Variants in CTNND2 observed in about 807,000 individuals in gnomAD.
CTNND2 encodes catenin delta-2.
In CTNND2, 22 loss-of-function variants were observed where a neutral mutation model predicts 144.4. The ratio of observed to expected loss-of-function variants is 0.15; its 90% confidence interval spans 0.11 to 0.22. CTNND2 has a LOEUF of 0.22. Ranked by LOEUF, CTNND2 falls within the 10% of genes least tolerant of loss-of-function variation. The pLI, the probability that CTNND2 is intolerant of heterozygous loss-of-function variation, is 1.00. For synonymous variants in CTNND2, 751 were observed against 695.6 expected, an observed-to-expected ratio of 1.08 and a Z score of -1.25; for missense variants, 1,353 against 1,618.8, an observed-to-expected ratio of 0.84 and a Z score of 2.82.
chr5:11,821,884 T>C (rs1339786084), intron 1 of CTNND2, among the ~76,000 whole-genome samples: 1 of 152,176 alleles, frequency 6.6e-6, no homozygotes, highest in African/African-American at 2.4e-5. Flanking sequence ...ACTGAAACCA[T>C]TTCCTAATAA....
intron 1 of CTNND2, among the ~76,000 whole-genome samples, chr5:11,843,178 T>C (rs1312379894): frequency 6.6e-6 from 1 of 152,130 alleles, no homozygotes; most frequent in Non-Finnish European, 1.5e-5. Context: ...AACGTGAAAA[T>C]ATGGCAATAA....
intron 11 of CTNND2, among the ~76,000 whole-genome samples, chr5:11,191,364 C>G (rs779921628): frequency 3.3e-5 from 5 of 152,184 alleles, no homozygotes; most frequent in Non-Finnish European, 5.9e-5. Flanking sequence ...ACAGAACACA[C>G]TCATGGGACA....
In CTNND2 at chr5:11,076,501, C is replaced by A. The variant is rs149142307; in HGVS notation, c.2788+6195G>T. ...TATTACCATTCCTTTTTTAAACCTT[C>A]CATACTCAGAAGGATAATTAACATT... is the stretch of plus-strand genomic sequence containing the variant. On this transcript the variant is annotated intron_variant, in intron 16 of 21. Transcript: ENST00000304623. Among the ~76,000 whole-genome samples the A allele has an allele frequency of 7.2e-5, 11 of 152,262 alleles. No individual in the cohort carries two copies. The East Asian group carries it at 2.1e-3, about 29-fold the overall frequency.
chr5:11,226,611 C>T (rs975991833), intron 10 of CTNND2, among the ~76,000 whole-genome samples: 25 of 152,168 alleles, frequency 1.6e-4, no homozygotes, highest in African/African-American at 5.6e-4. Context: ...AGGGAAACTC[C>T]CCTTTATAAA....
chr5:11,801,508 C>T (rs571693344), intron 1 of CTNND2, among the ~76,000 whole-genome samples: 2 of 152,224 alleles, frequency 1.3e-5, no homozygotes, highest in South Asian at 2.1e-4. Context: ...TATGATAATC[C>T]AACTATTATA....
chr5:11,730,423 G>A (rs1038314761), intron 2 of CTNND2, among the ~76,000 whole-genome samples: 9 of 152,110 alleles, frequency 5.9e-5, no homozygotes, highest in East Asian at 3.8e-4. Context: ...ATTGAAACAC[G>A]AACTTTAAGT....
chr5:11,317,473 A>T (rs1375698192), intron 9 of CTNND2, among the ~76,000 whole-genome samples: 1 of 151,970 alleles, frequency 6.6e-6, no homozygotes, highest in African/African-American at 2.4e-5. Flanking sequence ...TCTATAATAA[A>T]CTCCCAATTA....
chr5:11,168,711 C>A (rs537371296), intron 11 of CTNND2, among the ~76,000 whole-genome samples: 7 of 152,120 alleles, frequency 4.6e-5, no homozygotes, highest in Admixed American at 3.9e-4. Context: ...AAAATGATTT[C>A]TTATACTTTG....
At chr5:11,490,555 A>C (rs1193198089) in intron 3 of CTNND2, among the ~76,000 whole-genome samples, 3 of 152,192 alleles carry the variant, frequency 2.0e-5, no homozygotes, top group Admixed American at 2.0e-4. Context: ...TTTTATATTC[A>C]AATTATTGTG....
intron 16 of CTNND2, among the ~76,000 whole-genome samples, chr5:11,059,662 T>G (rs1375068492): frequency 6.6e-6 from 1 of 152,168 alleles, no homozygotes; most frequent in Non-Finnish European, 1.5e-5. Context: ...CACCATGATT[T>G]CCCATTTCAT....
chr5:11,572,179 T>C (rs1777616352), intron 2 of CTNND2, among the ~76,000 whole-genome samples: 1 of 152,114 alleles, frequency 6.6e-6, no homozygotes, highest in Admixed American at 6.5e-5. Flanking sequence ...CCCAGGTCTT[T>C]GTGACATCTG....
intron 12 of CTNND2, among the ~76,000 whole-genome samples, chr5:11,128,954 TAA>T (rs1238513805): frequency 4.2e-4 from 20 of 47,924 alleles, no homozygotes; most frequent in African/African-American, 1.2e-3. Flanking sequence ...ATATAATATA[TAA>T]ATATATATAA....
intron 7 of CTNND2, among the ~76,000 whole-genome samples, chr5:11,383,480 A>G (rs1248233933): frequency 6.6e-6 from 1 of 152,144 alleles, no homozygotes; most frequent in Non-Finnish European, 1.5e-5. Context: ...CAAAAATTCT[A>G]TTTGAGAGAG....
chr5:11,345,846 T>C (rs968475688), intron 9 of CTNND2, among the ~76,000 whole-genome samples: 1 of 151,826 alleles, frequency 6.6e-6, no homozygotes, highest in South Asian at 2.1e-4. Flanking sequence ...CTCTAATATA[T>C]TATGCTCACA....
At chr5:11,025,524 T>C (rs1742730985) in intron 16 of CTNND2, among the ~76,000 whole-genome samples, 1 of 152,224 alleles carries the variant, frequency 6.6e-6, no homozygotes, top group African/African-American at 2.4e-5. Context: ...ACTGGAGTTA[T>C]TATGGAAGGC....
In CTNND2 at chr5:11,904,245, G is replaced by GCGGCGCC. The variant is rs1403596511; in HGVS notation, c.-399_-393dup. On this transcript the variant is annotated 5_prime_UTR_variant, in exon 1 of 22. Coordinates refer to ENST00000304623, the MANE Select transcript of CTNND2 (RefSeq NM_001332.4). The surrounding 1 kb of genome is among the most constrained non-coding windows in gnomAD (Gnocchi z 4.2). ...CCGCGGGCGCGAGCCTGGGGCCGCC[G>GCGGCGCC]CGGCGCCCGGCGCCGAGCGCTCCCG... Among the ~76,000 whole-genome samples the GCGGCGCC allele has an allele frequency of 1.4e-5, 2 of 145,580 alleles. No homozygotes were observed. The highest frequency in any genetic ancestry group is 2.5e-5 in the African/African-American group (1 of 40,696).
intron 3 of CTNND2, among the ~76,000 whole-genome samples, chr5:11,416,050 C>T (rs1561359909): frequency 6.6e-6 from 1 of 152,156 alleles, no homozygotes; most frequent in Non-Finnish European, 1.5e-5. Flanking sequence ...AAATGTCACA[C>T]TGACCAAAAC....
intron 11 of CTNND2, among the ~76,000 whole-genome samples, chr5:11,193,089 A>G (rs1168923620): frequency 6.6e-6 from 1 of 152,204 alleles, no homozygotes; most frequent in African/African-American, 2.4e-5. Flanking sequence ...TTCCAGCGTG[A>G]GGCAGCCCCG....
intron 5 of CTNND2, 36 bp from the exon 6 acceptor site, chr5:11,397,239 T>A (rs764274363): frequency 1.3e-6 from 2 of 1,583,430 alleles, no homozygotes; most frequent in East Asian, 2.3e-5. Context: ...TCAGTGACAG[T>A]CTCAGTGAAG....
Sources: gnomAD v4.1 joint callset for allele counts (sites outside exome capture counted in the v4.1 genomes callset) on GRCh38, gnomAD v4.1.1 for gene constraint, Gnocchi (gnomAD v3.1) non-coding constraint, MANE v1.5 for transcripts, NCBI Gene and HGNC (gene_info 2026-07-23, HGNC 2026-07-21) for gene names.